Variants in FBXL7 observed in about 807,000 individuals in gnomAD.
FBXL7 encodes F-box/LRR-repeat protein 7.
Under a neutral mutation model 38.3 loss-of-function variants are expected in FBXL7, and 12 were observed. The ratio of observed to expected loss-of-function variants is 0.31; its 90% confidence interval spans 0.20 to 0.51. FBXL7 has a LOEUF of 0.51. Among genes scored for constraint, FBXL7 ranks in the 20% least tolerant of loss-of-function variants. FBXL7 has a pLI of 0.98. For synonymous variants in FBXL7, 297 were observed against 300.9 expected (o/e 0.99, Z 0.13); for missense variants, 567 against 676.4 (o/e 0.84, Z 1.79).
chr5:15,616,011 C>G lies in FBXL7; in HGVS notation c.66C>G (p.Asp22Glu). The G allele has an allele frequency of 1.9e-6, 3 of 1,613,148 alleles. No homozygotes were observed. The highest frequency in any genetic ancestry group is 2.5e-6 in the Non-Finnish European group (3 of 1,179,426). Residue 22 changes from aspartate to glutamate, a missense_variant, in exon 2 of 4, where the codon GAC becomes GAG. By Grantham distance (45) the Asp-to-Glu change is conservative. Coordinates refer to ENST00000504595, the MANE Select transcript of FBXL7 (RefSeq NM_012304.5). ...AAGGCAGCTCGAGCATCTCATCTGA[C>G]GTGAGTTCAAGTACAGATCACACGC... ...EGKGSSSISS[D>E]VSSSTDHTPT...
chr5:15,588,608 A>T (rs904302941), intron 1 of FBXL7, among the ~76,000 whole-genome samples: 1 of 152,124 alleles, frequency 6.6e-6, no homozygotes, highest in Admixed American at 6.5e-5. Flanking sequence ...GCTGGTCTCA[A>T]ACTCCTGACC....
intron 1 of FBXL7, among the ~76,000 whole-genome samples, chr5:15,562,746 C>T (rs1738450081): frequency 6.6e-6 from 1 of 152,024 alleles, no homozygotes; most frequent in Non-Finnish European, 1.5e-5. Flanking sequence ...CTCTTTCTTT[C>T]ACACATATTT....
chr5:15,616,978 T>C (rs1024039005), intron 2 of FBXL7, among the ~76,000 whole-genome samples: 2 of 152,234 alleles, frequency 1.3e-5, no homozygotes, highest in African/African-American at 2.4e-5. Context: ...TCCAGTTTTT[T>C]GTTTCAGATA....
At chr5:15,858,686 A>C (rs1739345358) in intron 2 of FBXL7, among the ~76,000 whole-genome samples, 1 of 152,116 alleles carries the variant, frequency 6.6e-6, no homozygotes, top group Non-Finnish European at 1.5e-5. Flanking sequence ...GCCAAATGTT[A>C]GTTTTTTGTT....
rs562260732 is a variant in FBXL7, at chr5:15,840,648, A to G, written c.128-87242A>G. 5.9e-5 allele frequency among the ~76,000 whole-genome samples: 9 copies of G among 152,184 alleles called. No homozygotes were observed. In the East Asian group the frequency reaches 1.7e-3, roughly 29 times the overall value. ...TGGATCACGAGGTCAAGGGATGGAG[A>G]CCATCCTGGCCAGCGTGGTGAAACC... is the stretch of plus-strand genomic sequence containing the variant. On this transcript the variant is annotated intron_variant, in intron 2 of 3. Transcript: ENST00000504595.
At chr5:15,894,327 C>A (rs563830366) in intron 2 of FBXL7, among the ~76,000 whole-genome samples, 1 of 152,176 alleles carries the variant, frequency 6.6e-6, no homozygotes, top group Admixed American at 6.5e-5. Context: ...ACAGAAGGGT[C>A]AAATGGACTT....
At chr5:15,885,402 T>C (rs542268336) in intron 2 of FBXL7, among the ~76,000 whole-genome samples, 3 of 152,260 alleles carry the variant, frequency 2.0e-5, no homozygotes, top group East Asian at 3.9e-4. Flanking sequence ...CCAAATTTCA[T>C]TTATTAGAGA....
At chr5:15,800,215 G>T (rs1278755981) in intron 2 of FBXL7, among the ~76,000 whole-genome samples, 10 of 152,122 alleles carry the variant, frequency 6.6e-5, no homozygotes, top group Non-Finnish European at 1.5e-5. Flanking sequence ...CAGAATGATG[G>T]ATATGAAAGC....
At chr5:15,708,684 T>G (rs1234066856) in intron 2 of FBXL7, among the ~76,000 whole-genome samples, 1 of 152,200 alleles carries the variant, frequency 6.6e-6, no homozygotes, top group African/African-American at 2.4e-5. Context: ...GATTTTTCAT[T>G]TAAGGGAACT....
At chr5:15,628,927 A>AT (rs758536787) in intron 2 of FBXL7, among the ~76,000 whole-genome samples, 3 of 151,728 alleles carry the variant, frequency 2.0e-5, no homozygotes, top group Non-Finnish European at 4.4e-5. Context: ...CCTTAGATAT[A>AT]TTTTTTCTGC....
At chr5:15,686,639 A>C (rs1325387190) in intron 2 of FBXL7, among the ~76,000 whole-genome samples, 1 of 152,220 alleles carries the variant, frequency 6.6e-6, no homozygotes, top group African/African-American at 2.4e-5. Context: ...AAGACTTAAA[A>C]CATACATAAT....
intron 2 of FBXL7, among the ~76,000 whole-genome samples, chr5:15,680,848 G>A (rs79932303): frequency 0.04 from 6,026 of 152,174 alleles, 187 homozygotes; most frequent in South Asian, 0.071. Flanking sequence ...AATTCCATGT[G>A]GGTTATGGCT....
chr5:15,867,216 G>A (rs988533180), intron 2 of FBXL7, among the ~76,000 whole-genome samples: 1 of 152,134 alleles, frequency 6.6e-6, no homozygotes, highest in African/African-American at 2.4e-5. Flanking sequence ...TAAAGCAGGT[G>A]GCTTTCAGTT....
chr5:15,615,935 GGT>G, intron 1 of FBXL7, 46 bp from the exon 2 acceptor site: 2 of 1,309,516 alleles, frequency 1.5e-6, no homozygotes, highest in Non-Finnish European at 2.2e-6. Context: ...GCATGGTCCA[GGT>G]CTGAAATTAC....
intron 2 of FBXL7, among the ~76,000 whole-genome samples, chr5:15,758,278 T>C (rs1026383260): frequency 4.6e-5 from 7 of 151,698 alleles, no homozygotes; most frequent in African/African-American, 1.7e-4. Flanking sequence ...CTTTATATAG[T>C]CTTAAGGCGA....
intron 1 of FBXL7, among the ~76,000 whole-genome samples, chr5:15,529,838 A>G (rs1737368858): frequency 6.6e-6 from 1 of 152,142 alleles, no homozygotes; most frequent in Non-Finnish European, 1.5e-5. Context: ...ATGGTGTTGT[A>G]TATACTCTCG....
chr5:15,884,919 A>G (rs978957976), intron 2 of FBXL7, among the ~76,000 whole-genome samples: 1 of 152,234 alleles, frequency 6.6e-6, no homozygotes, highest in African/African-American at 2.4e-5. Context: ...CTTCCAATCA[A>G]TGATGGAGAA....
chr5:15,659,167 AG>A (rs1674337511), intron 2 of FBXL7, among the ~76,000 whole-genome samples: 1 of 152,208 alleles, frequency 6.6e-6, no homozygotes, highest in Admixed American at 6.5e-5. Context: ...CCTTATAAAA[AG>A]TTAAATGGCA....
At chr5:15,691,435 T>C (rs1425846751) in intron 2 of FBXL7, among the ~76,000 whole-genome samples, 1 of 152,220 alleles carries the variant, frequency 6.6e-6, no homozygotes, top group African/African-American at 2.4e-5. Context: ...TGCTCTAAAG[T>C]GCTAACCTGC....
Sources: allele counts gnomAD v4.1 joint callset (sites outside exome capture counted in the v4.1 genomes callset), GRCh38; gene constraint gnomAD v4.1.1; transcripts MANE v1.5; gene names NCBI Gene and HGNC (gene_info 2026-07-23, HGNC 2026-07-21).